Variants in XPR1 observed in about 807,000 individuals in gnomAD.
XPR1 encodes the protein xenotropic and polytropic retrovirus receptor 1, also known as solute carrier family 53 member 1.
XPR1 carries 28 observed loss-of-function variants against 87.5 expected under a neutral mutation model. That is an observed-to-expected ratio of 0.32 (90% CI 0.24 to 0.44). The LOEUF is 0.44. XPR1 is among the 20% of genes least tolerant of loss of function. The pLI, the probability that XPR1 is intolerant of heterozygous loss-of-function variation, is 1.00. For synonymous variants in XPR1, 300 were observed against 306.1 expected, an observed-to-expected ratio of 0.98 and a Z score of 0.21; for missense variants, 559 against 862.3, an observed-to-expected ratio of 0.65 and a Z score of 4.41.
rs775259053 is a variant in XPR1, at chr1:180,880,235, G to A, written c.1968G>A (p.Gln656=). 1.9e-6 allele frequency: 3 copies of A among 1,614,086 alleles called. No homozygotes were observed. The highest frequency in any genetic ancestry group is 2.5e-6 in the Non-Finnish European group (3 of 1,180,044). ...AGGATGATGGGGTACGAAACCGCCA[G>A]AAGAATCGGTCATGGAAGTACAACC... ...MDQDDGVRNR[Q]KNRSWKYNQS... Residue 656 remains glutamine, a synonymous_variant, in exon 14 of 15, where the codon CAG becomes CAA. Coordinates refer to ENST00000367590, the MANE Select transcript of XPR1 (RefSeq NM_004736.4).
At chr1:180,775,538 TTAA>T (rs746265227) in intron 2 of XPR1, among the ~76,000 whole-genome samples, 3 of 152,222 alleles carry the variant, frequency 2.0e-5, no homozygotes, top group Admixed American at 6.5e-5. Flanking sequence ...AACTTCAGTC[TTAA>T]TAATAATTTT....
At chr1:180,638,387 T>A (rs1266271554) in intron 1 of XPR1, among the ~76,000 whole-genome samples, 1 of 152,192 alleles carries the variant, frequency 6.6e-6, no homozygotes, top group African/African-American at 2.4e-5. Flanking sequence ...TTGTACAGAT[T>A]AACCACAGCT....
At chr1:180,847,219 T>A (rs536881104) in intron 11 of XPR1, among the ~76,000 whole-genome samples, 3 of 152,236 alleles carry the variant, frequency 2.0e-5, no homozygotes, top group Non-Finnish European at 4.4e-5. Flanking sequence ...TTCTCACTTA[T>A]GAATATTAGA....
intron 2 of XPR1, among the ~76,000 whole-genome samples, chr1:180,768,222 GT>G (rs199597515): frequency 4.7e-4 from 69 of 146,036 alleles, no homozygotes; most frequent in Admixed American, 4.8e-4. Context: ...TTACTATAGA[GT>G]TTTTTTTTTT....
chr1:180,674,415 C>T (rs759192002), intron 1 of XPR1, among the ~76,000 whole-genome samples: 2 of 151,916 alleles, frequency 1.3e-5, no homozygotes, highest in African/African-American at 2.4e-5. Flanking sequence ...CCTGCCCCCA[C>T]GCCTGGCAAA....
chr1:180,740,993 G>T (rs1186136786), intron 2 of XPR1, among the ~76,000 whole-genome samples: 1 of 152,154 alleles, frequency 6.6e-6, no homozygotes, highest in Non-Finnish European at 1.5e-5. Context: ...GTTCACCAAA[G>T]GCCCACCTCC....
intron 2 of XPR1, among the ~76,000 whole-genome samples, chr1:180,725,896 A>G (rs949497798): frequency 6.6e-6 from 1 of 152,206 alleles, no homozygotes; most frequent in Non-Finnish European, 1.5e-5. Flanking sequence ...GCCCTCAACT[A>G]TGACATGGCC....
At chr1:180,852,825 C>T (rs1651908420) in intron 11 of XPR1, among the ~76,000 whole-genome samples, 1 of 152,162 alleles carries the variant, frequency 6.6e-6, no homozygotes, top group Non-Finnish European at 1.5e-5. Context: ...CCACGTCCAG[C>T]CTTCCACATA....
In XPR1 at chr1:180,731,733, A is replaced by G. The variant is rs150676393; in HGVS notation, c.121+49322A>G. On this transcript the variant is annotated intron_variant, in intron 2 of 14. Transcript: ENST00000367590. ...AATCAATATAAAAATTATCAATGAG[A>G]TAGTTTACATTTTTATGCTGTCTTC... Among the ~76,000 whole-genome samples the G allele has an allele frequency of 2.9e-3, 443 of 152,316 alleles. 3 individuals carry two copies. Among genetic ancestry groups the G allele is most frequent in the African/African-American group, 9.6e-3 (401 of 41,560 alleles).
At chr1:180,715,651 A>G (rs1326320187) in intron 2 of XPR1, among the ~76,000 whole-genome samples, 1 of 152,050 alleles carries the variant, frequency 6.6e-6, no homozygotes, top group Non-Finnish European at 1.5e-5. Context: ...CAAGAGTTAC[A>G]GAGAAGTTGT....
At chr1:180,663,504 T>G in intron 1 of XPR1, among the ~76,000 whole-genome samples, 1 of 152,232 alleles carries the variant, frequency 6.6e-6, no homozygotes, top group East Asian at 1.9e-4. Context: ...AGAGTTTATC[T>G]TTCTGTGCTG....
chr1:180,825,793 G>C (rs1192389664), intron 9 of XPR1, among the ~76,000 whole-genome samples: 1 of 152,224 alleles, frequency 6.6e-6, no homozygotes, highest in Non-Finnish European at 1.5e-5. Flanking sequence ...GCTCACGCCT[G>C]TAATCCTAGC....
At chr1:180,828,619 G>A (rs1405461075) in intron 9 of XPR1, among the ~76,000 whole-genome samples, 2 of 152,234 alleles carry the variant, frequency 1.3e-5, no homozygotes, top group African/African-American at 2.4e-5. Flanking sequence ...GAATAGAGAG[G>A]TGTTGTCATT....
Position 180,863,688 on chromosome 1 carries a change from T to C in XPR1, c.1502-20T>C. 1 of 1,541,230 alleles carries C rather than the reference T, an allele frequency of 6.5e-7. No homozygotes were observed. Among genetic ancestry groups the C allele is most frequent in the South Asian group, 1.3e-5 (1 of 79,026 alleles). ...AAATGTAGTAATTTTCTCTTTTCTC[T>C]TTCCCTCTTCTTTCTTCAGAACGAG... On this transcript the variant is annotated intron_variant, in intron 11 of 14. Transcript: ENST00000367590.
chr1:180,851,245 A>G (rs1231626623), intron 11 of XPR1, among the ~76,000 whole-genome samples: 1 of 152,180 alleles, frequency 6.6e-6, no homozygotes, highest in Non-Finnish European at 1.5e-5. Flanking sequence ...AGGAGAGACA[A>G]TATATTTTCC....
intron 2 of XPR1, among the ~76,000 whole-genome samples, chr1:180,722,050 C>T (rs1658194534): frequency 6.6e-6 from 1 of 151,890 alleles, no homozygotes; most frequent in African/African-American, 2.4e-5. Flanking sequence ...ATTGCTTGAG[C>T]TCAGGAGTTG....
chr1:180,770,933 C>T (rs1218522000), intron 2 of XPR1, among the ~76,000 whole-genome samples: 1 of 152,188 alleles, frequency 6.6e-6, no homozygotes, highest in Non-Finnish European at 1.5e-5. Context: ...TATATCTCAA[C>T]TGAAGTGTTT....
Position 180,806,476 on chromosome 1 carries a change from T to G in XPR1, c.600T>G (p.Ala200=). The part of the protein sequence containing the change: ...KINQLISETE[A]VVTNELEDGD... The stretch of plus-strand genomic sequence containing the variant: ...AATGTAATAATTTGTCTTTCTAGGC[T>G]GTAGTGACCAATGAACTTGAAGATG... The change falls in exon 6 of 15, where the codon GCT becomes GCG. Residue 200 remains alanine (A), a splice_region_variant and synonymous_variant. Coordinates refer to ENST00000367590, the MANE Select transcript of XPR1 (RefSeq NM_004736.4). 1 of 1,613,358 alleles carries G rather than the reference T, an allele frequency of 6.2e-7. No individual in the cohort carries two copies. The highest frequency in any genetic ancestry group is 8.5e-7 in the Non-Finnish European group (1 of 1,179,466).
intron 2 of XPR1, among the ~76,000 whole-genome samples, chr1:180,728,769 GA>G: frequency 6.6e-6 from 1 of 152,302 alleles, no homozygotes. Context: ...CCTCATATCA[GA>G]CTTCACATTG....
Sources: gnomAD v4.1 joint callset for allele counts (sites outside exome capture counted in the v4.1 genomes callset) on GRCh38, gnomAD v4.1.1 for gene constraint, MANE v1.5 for transcripts, NCBI Gene and HGNC (gene_info 2026-07-23, HGNC 2026-07-21) for gene names.